CACNA1A: variants seen among roughly 807,000 people sequenced by gnomAD.
CACNA1A encodes voltage-dependent P/Q-type calcium channel subunit alpha-1A.
Under a neutral mutation model 262.4 loss-of-function variants are expected in CACNA1A, and 57 were observed. That is an observed-to-expected ratio of 0.22 (90% confidence interval 0.18 to 0.27). The LOEUF (loss-of-function observed/expected upper bound fraction) is 0.27. Ranked by LOEUF, CACNA1A falls within the 10% of genes least tolerant of loss-of-function variation. CACNA1A has a pLI of 1.00. For synonymous variants in CACNA1A, 1,431 were observed against 1,419.3 expected, an observed-to-expected ratio of 1.01 and a Z score of -0.18; for missense variants, 2,526 against 3,562.8, an observed-to-expected ratio of 0.71 and a Z score of 7.41.
chr19:13,392,989 G>A (rs560317416), intron 3 of CACNA1A, among the ~76,000 whole-genome samples: 1 of 152,204 alleles, frequency 6.6e-6, no homozygotes, highest in Admixed American at 6.5e-5. Flanking sequence ...GGCTGGTCTC[G>A]AACTCCTGAG....
intron 8 of CACNA1A, 36 bp from the exon 9 acceptor site, chr19:13,332,961 T>G: frequency 6.5e-7 from 1 of 1,539,400 alleles, no homozygotes; most frequent in South Asian, 1.1e-5. Flanking sequence ...GCTCCTGCAT[T>G]TGGAGGATGA....
At chr19:13,429,444 C>T (rs1009942849) in intron 3 of CACNA1A, among the ~76,000 whole-genome samples, 3 of 151,156 alleles carry the variant, frequency 2.0e-5, no homozygotes, top group Admixed American at 6.6e-5. Context: ...ACATCTTCCT[C>T]CCGGGGTGTT....
intron 23 of CACNA1A, among the ~76,000 whole-genome samples, chr19:13,276,694 GCT>G (rs970500025): frequency 1.9e-4 from 22 of 114,020 alleles, no homozygotes; most frequent in Non-Finnish European, 2.7e-4. Flanking sequence ...TGGAATCCCA[GCT>G]CTTTTTTTTT....
At chr19:13,258,625 T>C (rs1056169414) in intron 27 of CACNA1A, 5 of 152,318 alleles carry the variant, frequency 3.3e-5, no homozygotes, top group Non-Finnish European at 7.4e-5. Flanking sequence ...TATTCCCACA[T>C]GTGTGAGTAC....
In CACNA1A at chr19:13,227,565, C is replaced by CA. The variant is rs778352993; in HGVS notation, c.5529-39dup. The stretch of plus-strand genomic sequence containing the variant: ...AAAATGAAAAAAACAAAAACAAAAA[C>CA]AAAAAAACAAAACGGGAATGGGAAC... On this transcript the variant is annotated intron_variant, in intron 36 of 46. Transcript: ENST00000360228. 8.9e-6 allele frequency: 11 copies of CA among 1,240,096 alleles called. No homozygotes were observed. The South Asian group carries it at 1.2e-4, about 13-fold the overall frequency. The allele number at this position is 1,240,096 out of a possible 1,614,324, so 76.8% of individuals were successfully genotyped here. A position where few individuals can be genotyped will look rare whatever the true frequency, so the allele number is the denominator to read the frequency against.
intron 24 of CACNA1A, among the ~76,000 whole-genome samples, chr19:13,270,021 C>A (rs969985873): frequency 1.3e-5 from 2 of 152,122 alleles, no homozygotes; most frequent in East Asian, 3.9e-4. Flanking sequence ...CCCTGGATCT[C>A]GCAGCCCTGC....
intron 3 of CACNA1A, among the ~76,000 whole-genome samples, chr19:13,387,788 G>C (rs1040372192): frequency 6.6e-6 from 1 of 152,178 alleles, no homozygotes; most frequent in African/African-American, 2.4e-5. Context: ...GAGCCCAAGA[G>C]TTTGAGGCTG....
At chr19:13,373,961 T>C (rs1257892207) in intron 3 of CACNA1A, among the ~76,000 whole-genome samples, 1 of 152,118 alleles carries the variant, frequency 6.6e-6, no homozygotes, top group East Asian at 1.9e-4. Flanking sequence ...AGGAAGACAA[T>C]GGCTTTGAGG....
intron 38 of CACNA1A, among the ~76,000 whole-genome samples, chr19:13,222,394 C>CT (rs71168689): frequency 0.09 from 8,222 of 91,116 alleles, 452 homozygotes; most frequent in African/African-American, 0.15. Flanking sequence ...GCCTTCTCGG[C>CT]TTTTTTTTTT....
At chr19:13,267,142 GAGAGAA>G (rs1307283658) in intron 24 of CACNA1A, among the ~76,000 whole-genome samples, 3 of 152,114 alleles carry the variant, frequency 2.0e-5, no homozygotes, top group Non-Finnish European at 4.4e-5. Context: ...GAGAGAGAGA[GAGAGAA>G]AGAGAGAGAG....
At chr19:13,455,302 A>C (rs911997628) in intron 1 of CACNA1A, 90 bp from the exon 2 acceptor site, 10 of 749,724 alleles carry the variant, frequency 1.3e-5, no homozygotes, top group East Asian at 2.6e-5. Flanking sequence ...GAAAGATCTC[A>C]AGCCCTCTAG....
chr19:13,371,902 A>G (rs1233760039), intron 3 of CACNA1A, 123 bp from the exon 4 acceptor site: 1 of 721,334 alleles, frequency 1.4e-6, no homozygotes, highest in Non-Finnish European at 2.5e-6. Flanking sequence ...AGGTGACTCG[A>G]CACCACTGGC....
intron 10 of CACNA1A, among the ~76,000 whole-genome samples, chr19:13,321,946 G>A (rs976762496): frequency 3.9e-5 from 6 of 152,228 alleles, no homozygotes; most frequent in East Asian, 3.9e-4. Context: ...GCTCGTGCCC[G>A]TAATCCCAAC....
At chr19:13,468,247 C>T (rs1477854510) in intron 1 of CACNA1A, among the ~76,000 whole-genome samples, 2 of 152,078 alleles carry the variant, frequency 1.3e-5, no homozygotes, top group Non-Finnish European at 2.9e-5. Flanking sequence ...AGATTCCAAA[C>T]AAGAACTGAA....
At chr19:13,229,986 G>A (rs2055603831) in intron 36 of CACNA1A, 96 bp downstream of exon 36, 2 of 1,409,458 alleles carry the variant, frequency 1.4e-6, no homozygotes, top group Non-Finnish European at 1.9e-6. Flanking sequence ...GACCCCAGGA[G>A]TTCAGTGCTC....
chr19:13,461,616 TG>T (rs2061126196), intron 1 of CACNA1A, among the ~76,000 whole-genome samples: 1 of 152,170 alleles, frequency 6.6e-6, no homozygotes, highest in Non-Finnish European at 1.5e-5. Context: ...GTAGTCGAGC[TG>T]GGGGGCAGGC....
intron 3 of CACNA1A, among the ~76,000 whole-genome samples, chr19:13,448,686 C>T (rs1226658407): frequency 6.6e-6 from 1 of 152,152 alleles, no homozygotes; most frequent in Non-Finnish European, 1.5e-5. Context: ...TCAGCAGTTC[C>T]ACTCCTGGGT....
rs531830710 is a variant in CACNA1A, at chr19:13,461,334, C to T, written c.294-6122G>A. The stretch of plus-strand genomic sequence containing the variant: ...CAGCCTGGACAACAGAACGAGACTC[C>T]GTCTCAAAAACAAAACAAAACAAAA... On this transcript the variant is annotated intron_variant, in intron 1 of 46. Coordinates refer to ENST00000360228, the MANE Select transcript of CACNA1A (RefSeq NM_001127222.2). Among the ~76,000 whole-genome samples, 190 of 138,154 alleles carry T rather than the reference C, an allele frequency of 1.4e-3. 1 individual carries two copies. Among genetic ancestry groups the T allele is most frequent in the African/African-American group, 5.0e-3 (176 of 35,046 alleles). 90.6% of individuals were successfully genotyped at this position (138,154 alleles called of 152,430 possible). A position where few individuals can be genotyped will look rare whatever the true frequency, so the allele number is the denominator to read the frequency against.
intron 1 of CACNA1A, among the ~76,000 whole-genome samples, chr19:13,478,480 G>A (rs1026159776): frequency 2.0e-5 from 3 of 152,084 alleles, no homozygotes; most frequent in African/African-American, 7.2e-5. Flanking sequence ...GCCACGTCCA[G>A]CCAATTTTTT....
Sources: gnomAD v4.1 joint callset for allele counts (sites outside exome capture counted in the v4.1 genomes callset) on GRCh38, gnomAD v4.1.1 for gene constraint, MANE v1.5 for transcripts, NCBI Gene and HGNC (gene_info 2026-07-23, HGNC 2026-07-21) for gene names.